Variants in DCDC1 observed in about 807,000 individuals in gnomAD.
DCDC1 encodes the protein doublecortin domain containing 1, also known as doublecortin domain-containing protein 1.
DCDC1 carries 200 observed loss-of-function variants against 178.3 expected under a neutral mutation model. The ratio of observed to expected loss-of-function variants is 1.12; its 90% CI spans 1.00 to 1.26. The LOEUF (loss-of-function observed/expected upper bound fraction) is 1.26. DCDC1 is among the 50% of genes most tolerant of loss of function. The probability of loss-of-function intolerance (pLI) is 0.00; values close to 1 mark genes in which losing one functional copy is unlikely to be tolerated. For synonymous variants in DCDC1, 690 were observed against 604.8 expected, an observed-to-expected ratio of 1.14 and a Z score of -2.07; for missense variants, 1,983 against 1,749.2, an observed-to-expected ratio of 1.13 and a Z score of -2.38.
rs559538832 is a variant in DCDC1, at chr11:31,110,249, A to G, written c.1587+11T>C. On this transcript the variant is annotated intron_variant, in intron 12 of 38. Coordinates refer to ENST00000684477, the MANE Select transcript of DCDC1 (RefSeq NM_001387274.1). ...CACTTAAAGTCATAAGTAAACTGTC[A>G]GTAAACTCACTCTTTCCATCATATG... is the stretch of plus-strand genomic sequence containing the variant. The G allele has an allele frequency of 8.5e-6, 6 of 704,916 alleles. No homozygotes were observed. Among genetic ancestry groups the G allele is most frequent in the South Asian group, 6.0e-5 (4 of 66,834 alleles). The allele number at this position is 704,916 out of a possible 1,614,324, so 43.7% of individuals were successfully genotyped here.
At chr11:31,132,023 G>T (rs963420721) in intron 10 of DCDC1, among the ~76,000 whole-genome samples, 1 of 152,130 alleles carries the variant, frequency 6.6e-6, no homozygotes, top group African/African-American at 2.4e-5. Flanking sequence ...AGTCTTAAAA[G>T]TTTCATCCGG....
intron 20 of DCDC1, among the ~76,000 whole-genome samples, chr11:30,994,317 T>C (rs1951134359): frequency 6.6e-6 from 1 of 151,992 alleles, no homozygotes; most frequent in African/African-American, 2.4e-5. Context: ...CATTTTTTTC[T>C]TTCCGGAGAC....
chr11:31,350,400 C>G (rs1951012676), intron 1 of DCDC1, among the ~76,000 whole-genome samples: 1 of 151,738 alleles, frequency 6.6e-6, no homozygotes, highest in Non-Finnish European at 1.5e-5. Flanking sequence ...GAAGAAATTC[C>G]TAAAATATAG....
chr11:31,093,853 C>T (rs1042861991), intron 16 of DCDC1, among the ~76,000 whole-genome samples, 197 bp downstream of exon 16: 5 of 152,188 alleles, frequency 3.3e-5, no homozygotes, highest in African/African-American at 1.2e-4. Flanking sequence ...TGATAGTGAA[C>T]TGAATGCTCA....
chr11:31,018,022 A>C (rs1444424958), intron 20 of DCDC1, among the ~76,000 whole-genome samples: 1 of 152,124 alleles, frequency 6.6e-6, no homozygotes, highest in Non-Finnish European at 1.5e-5. Context: ...TTAACTGTGG[A>C]TATTTTGTAA....
rs557372256 is a variant in DCDC1, at chr11:30,890,754, C to T, written c.5082+2064G>A. Among the ~76,000 whole-genome samples, 187 of 152,290 alleles carry T rather than the reference C, an allele frequency of 1.2e-3. 1 individual carries two copies. The highest frequency in any genetic ancestry group is 3.8e-3 in the African/African-American group (160 of 41,576). On this transcript the variant is annotated intron_variant, in intron 36 of 38. Transcript: ENST00000684477. ...TATCTGTGCATATATGTGTGCAGAACTTAACTCCACATGCTTTACATAATG... is the reference window on the plus strand; with the variant it reads ...TATCTGTGCATATATGTGTGCAGAATTTAACTCCACATGCTTTACATAATG...
intron 18 of DCDC1, among the ~76,000 whole-genome samples, chr11:31,066,652 A>T (rs1396960179): frequency 6.6e-6 from 1 of 152,234 alleles, no homozygotes; most frequent in East Asian, 1.9e-4. Context: ...ATTACTAAAC[A>T]TAAGAGTCGA....
intron 21 of DCDC1, among the ~76,000 whole-genome samples, chr11:30,951,407 T>C (rs1948412642): frequency 6.6e-6 from 1 of 151,986 alleles, no homozygotes; most frequent in Non-Finnish European, 1.5e-5. Flanking sequence ...TAAGTAAAAA[T>C]GAGAAGAGCT....
At chr11:31,361,823 A>T (rs2133387575) in intron 1 of DCDC1, among the ~76,000 whole-genome samples, 1 of 152,296 alleles carries the variant, frequency 6.6e-6, no homozygotes, top group South Asian at 2.1e-4. Context: ...TTCTTACTGT[A>T]TCTAGTTTCT....
intron 3 of DCDC1, 151 bp downstream of exon 3, chr11:31,327,966 G>C (rs1949739234): frequency 3.0e-6 from 2 of 662,186 alleles, no homozygotes; most frequent in South Asian, 4.2e-5. Context: ...CTAACCTCAA[G>C]TGATCCACCT....
At chr11:31,213,104 T>C (rs1442877652) in intron 9 of DCDC1, among the ~76,000 whole-genome samples, 24 of 16,230 alleles carry the variant, frequency 1.5e-3, no homozygotes, top group East Asian at 4.5e-3. Flanking sequence ...GCCCAGCCTC[T>C]CTCTCTCTCT....
In DCDC1 at chr11:30,991,081, C is replaced by T. The variant is rs772068532; in HGVS notation, c.2592-38513G>A. Among the ~76,000 whole-genome samples the T allele has an allele frequency of 5.9e-5, 9 of 152,120 alleles. No homozygotes were observed. The South Asian group carries it at 6.2e-4, about 11-fold the overall frequency. On this transcript the variant is annotated intron_variant, in intron 20 of 38. Coordinates refer to ENST00000684477, the MANE Select transcript of DCDC1 (RefSeq NM_001387274.1). ...GCCAGAGAGTGAGGCAACTGACAAACGGGTTTGCCAAGGGAGGGCTAAGGG... is the reference window on the plus strand; with the variant it reads ...GCCAGAGAGTGAGGCAACTGACAAATGGGTTTGCCAAGGGAGGGCTAAGGG...
chr11:31,178,162 A>G (rs1163958952), intron 9 of DCDC1, among the ~76,000 whole-genome samples: 1 of 152,246 alleles, frequency 6.6e-6, no homozygotes, highest in East Asian at 1.9e-4. Context: ...CTATATTACT[A>G]AAATAGCATG....
intron 30 of DCDC1, among the ~76,000 whole-genome samples, chr11:30,905,781 A>G (rs1945012829): frequency 6.6e-6 from 1 of 152,214 alleles, no homozygotes; most frequent in Non-Finnish European, 1.5e-5. Context: ...CAGGTTTCCC[A>G]GAGGACTGAC....
At chr11:31,158,153 G>C (rs1965926638) in intron 9 of DCDC1, among the ~76,000 whole-genome samples, 1 of 152,044 alleles carries the variant, frequency 6.6e-6, no homozygotes, top group African/African-American at 2.4e-5. Context: ...CTGTCACCCA[G>C]GCTGGAGTGC....
intron 7 of DCDC1, among the ~76,000 whole-genome samples, chr11:31,285,986 T>A (rs1173778978): frequency 6.6e-6 from 1 of 152,140 alleles, no homozygotes; most frequent in Admixed American, 6.6e-5. Flanking sequence ...TCTCACACGT[T>A]ATTTTTTTCT....
At chr11:31,119,023 C>A (rs1024175414) in intron 11 of DCDC1, among the ~76,000 whole-genome samples, 5 of 152,012 alleles carry the variant, frequency 3.3e-5, no homozygotes, top group Admixed American at 2.0e-4. Flanking sequence ...CCAAAATCCA[C>A]AAAGAGGAGG....
Position 30,906,640 on chromosome 11 carries a change from A to C in DCDC1, c.4004T>G (p.Leu1335Arg). The C allele has an allele frequency of 6.2e-7, 1 of 1,613,678 alleles. No homozygotes were observed. The highest frequency in any genetic ancestry group is 8.5e-7 in the Non-Finnish European group (1 of 1,179,750). ...TGGAACCCCTGGAAGCAATTGTTTCAGTCCTTTCTCTGTTCTCATGGATTG... is the reference window on the plus strand; with the variant it reads ...TGGAACCCCTGGAAGCAATTGTTTCCGTCCTTTCTCTGTTCTCATGGATTG... ...CGQSMRTEKG[L>R]KQLLPGVPFL... Residue 1335 changes from leucine to arginine, a missense_variant, in exon 30 of 39, where the codon CTG (leucine) becomes CGG (arginine). Physicochemically the swap from Leu to Arg is moderately radical, Grantham distance 102. Coordinates refer to ENST00000684477, the MANE Select transcript of DCDC1 (RefSeq NM_001387274.1).
At chr11:31,334,829 A>C (rs1015354886) in intron 2 of DCDC1, among the ~76,000 whole-genome samples, 1 of 152,170 alleles carries the variant, frequency 6.6e-6, no homozygotes, top group African/African-American at 2.4e-5. Context: ...CCTGCTGGGA[A>C]GTGTCTCCCA....
Sources: allele counts gnomAD v4.1 joint callset (sites outside exome capture counted in the v4.1 genomes callset), GRCh38; gene constraint gnomAD v4.1.1; transcripts MANE v1.5; gene names NCBI Gene and HGNC (gene_info 2026-07-23, HGNC 2026-07-21).